Variants in SULF1 observed in about 807,000 individuals in gnomAD.
SULF1 encodes sulfatase 1, also known as extracellular sulfatase Sulf-1.
In SULF1, 46 loss-of-function variants were observed where a neutral mutation model predicts 110.5. That is an observed-to-expected ratio of 0.42 (90% confidence interval 0.33 to 0.53). The LOEUF (loss-of-function observed/expected upper bound fraction) is 0.53. SULF1 is among the 20% of genes least tolerant of loss of function. The pLI, the probability that SULF1 is intolerant of heterozygous loss-of-function variation, is 0.12. For missense variants in SULF1, 941 were observed against 1,094.2 expected (o/e 0.86, Z 1.98); for synonymous variants, 371 against 387.1 (o/e 0.96, Z 0.49).
At chr8:69,596,172 A>G (rs1807310499) in intron 8 of SULF1, among the ~76,000 whole-genome samples, 1 of 152,168 alleles carries the variant, frequency 6.6e-6, no homozygotes, top group Non-Finnish European at 1.5e-5. Flanking sequence ...ACTTTTATAT[A>G]TGGGAATAGT....
intron 13 of SULF1, among the ~76,000 whole-genome samples, chr8:69,613,855 A>T (rs761728174): frequency 6.6e-6 from 1 of 151,986 alleles, no homozygotes; most frequent in African/African-American, 2.4e-5. Flanking sequence ...ATCTATTCTC[A>T]TGACTATCCA....
intron 22 of SULF1, among the ~76,000 whole-genome samples, chr8:69,643,122 G>A (rs1419895993): frequency 1.3e-5 from 2 of 152,228 alleles, no homozygotes; most frequent in South Asian, 2.1e-4. Context: ...CCATCTTTCA[G>A]TGGATATCCA....
chr8:69,586,286 T>C, intron 6 of SULF1, 71 bp from the exon 7 acceptor site: 2 of 1,449,012 alleles, frequency 1.4e-6, no homozygotes, highest in Non-Finnish European at 1.8e-6. Context: ...CAAGTCATAA[T>C]TTTATACTTA....
chr8:69,535,274 A>G (rs1308849096), intron 3 of SULF1, among the ~76,000 whole-genome samples: 1 of 152,214 alleles, frequency 6.6e-6, no homozygotes, highest in East Asian at 1.9e-4. Flanking sequence ...CCTGAAGTCA[A>G]TAGACAACAG....
intron 3 of SULF1, among the ~76,000 whole-genome samples, chr8:69,547,066 A>G (rs1358696249): frequency 6.6e-6 from 1 of 152,248 alleles, no homozygotes; most frequent in Non-Finnish European, 1.5e-5. Context: ...ATTATAAAAC[A>G]ACAAGATAAA....
rs142476902 is a variant in SULF1, at chr8:69,507,374, A to G, written c.-134+5406A>G. On this transcript the variant is annotated intron_variant, in intron 3 of 22. Coordinates refer to ENST00000402687, the MANE Select transcript of SULF1 (RefSeq NM_001128205.2). ...GATTAATTCCACTTACAGAGGAAGC[A>G]TTTGATCTATGTTGATCTTGAGTCC... Among the ~76,000 whole-genome samples the G allele has an allele frequency of 1.6e-4, 25 of 152,328 alleles. No individual in the cohort carries two copies. In the East Asian group the frequency reaches 4.4e-3, roughly 27 times the overall value.
chr8:69,589,397 T>C (rs1289738635), intron 8 of SULF1, among the ~76,000 whole-genome samples: 1 of 152,184 alleles, frequency 6.6e-6, no homozygotes. Flanking sequence ...GAGATGCACA[T>C]AGAGTGAATG....
intron 8 of SULF1, among the ~76,000 whole-genome samples, chr8:69,599,593 A>G (rs914775618): frequency 6.6e-6 from 1 of 152,260 alleles, no homozygotes; most frequent in African/African-American, 2.4e-5. Context: ...AATGGTTTGC[A>G]TAATACCCAA....
chr8:69,616,132 A>G (rs1167640632), intron 13 of SULF1, among the ~76,000 whole-genome samples: 1 of 136,792 alleles, frequency 7.3e-6, no homozygotes, highest in African/African-American at 2.7e-5. Flanking sequence ...TAATGTGTAT[A>G]TATATACACA....
chr8:69,530,502 A>G (rs984344880), intron 3 of SULF1, among the ~76,000 whole-genome samples: 1 of 152,190 alleles, frequency 6.6e-6, no homozygotes, highest in African/African-American at 2.4e-5. Flanking sequence ...AAGTCCTCAG[A>G]AAACTAAAAC....
intron 3 of SULF1, among the ~76,000 whole-genome samples, chr8:69,518,428 A>G (rs991452620): frequency 6.6e-6 from 1 of 152,170 alleles, no homozygotes; most frequent in Non-Finnish European, 1.5e-5. Flanking sequence ...GCATTTTCAC[A>G]TGTCTAGTAA....
chr8:69,504,769 G>A (rs571963599), intron 3 of SULF1, among the ~76,000 whole-genome samples: 31 of 152,138 alleles, frequency 2.0e-4, no homozygotes, highest in African/African-American at 7.0e-4. Context: ...CAGGATTTGA[G>A]CTGAATTAGA....
intron 3 of SULF1, among the ~76,000 whole-genome samples, chr8:69,525,581 C>G (rs542806139): frequency 6.6e-6 from 1 of 152,252 alleles, no homozygotes; most frequent in South Asian, 2.1e-4. Context: ...AGTTCTTGCT[C>G]GTTCTTTACT....
intron 3 of SULF1, among the ~76,000 whole-genome samples, chr8:69,551,290 A>T (rs10504450): frequency 0.24 from 37,167 of 152,158 alleles, 5,006 homozygotes; most frequent in African/African-American, 0.37. Flanking sequence ...TGAACATAAC[A>T]AACTCCAGCA....
At chr8:69,552,964 T>A (rs1814837161) in intron 3 of SULF1, among the ~76,000 whole-genome samples, 2 of 152,086 alleles carry the variant, frequency 1.3e-5, no homozygotes, top group Admixed American at 1.3e-4. Context: ...GCCTAGTGAG[T>A]CCCTTGTTAC....
intron 1 of SULF1, among the ~76,000 whole-genome samples, chr8:69,493,813 C>T (rs972008499): frequency 3.3e-5 from 5 of 152,134 alleles, no homozygotes; most frequent in Admixed American, 1.3e-4. Flanking sequence ...AACTCAAAGC[C>T]CTGTTATCAA....
intron 3 of SULF1, among the ~76,000 whole-genome samples, chr8:69,527,595 G>A (rs1030812381): frequency 2.6e-5 from 4 of 152,078 alleles, no homozygotes; most frequent in Admixed American, 6.6e-5. Flanking sequence ...CCAGTTATGC[G>A]AAAAACAGAA....
At chr8:69,501,728 T>C (rs1793594641) in intron 2 of SULF1, 146 bp from the exon 3 acceptor site, 2 of 152,288 alleles carry the variant, frequency 1.3e-5, no homozygotes, top group Admixed American at 1.3e-4. Context: ...TGCGAGTGAT[T>C]GTAAGAAAAT....
intron 8 of SULF1, among the ~76,000 whole-genome samples, chr8:69,595,662 A>C (rs1010209893): frequency 6.6e-6 from 1 of 152,224 alleles, no homozygotes; most frequent in African/African-American, 2.4e-5. Flanking sequence ...TTTCTCAGAG[A>C]ATGATGGTTC....
Sources: gnomAD v4.1 joint callset for allele counts (sites outside exome capture counted in the v4.1 genomes callset) on GRCh38, gnomAD v4.1.1 for gene constraint, MANE v1.5 for transcripts, NCBI Gene and HGNC (gene_info 2026-07-23, HGNC 2026-07-21) for gene names.